Variants in TANGO6 observed in about 807,000 individuals in gnomAD.
The protein encoded by TANGO6 is transport and Golgi organization protein 6 homolog.
TANGO6 carries 90 observed loss-of-function variants against 114.2 expected under a neutral mutation model. The ratio of observed to expected loss-of-function variants is 0.79; its 90% confidence interval spans 0.66 to 0.94. The LOEUF is 0.94. TANGO6 is among the 40% of genes least tolerant of loss of function. TANGO6 has a pLI of 0.00. For synonymous variants in TANGO6, 477 were observed against 509.8 expected, an observed-to-expected ratio of 0.94 and a Z score of 0.87; for missense variants, 1,274 against 1,315.3, an observed-to-expected ratio of 0.97 and a Z score of 0.49.
chr16:69,077,449 T>G (rs1359801794), intron 17 of TANGO6, among the ~76,000 whole-genome samples: 3 of 152,146 alleles, frequency 2.0e-5, no homozygotes, highest in African/African-American at 7.2e-5. Context: ...CACGCATGAA[T>G]GCCTTTATTC....
At chr16:69,035,142 T>C (rs952229094) in intron 16 of TANGO6, 1 of 152,190 alleles carries the variant, frequency 6.6e-6, no homozygotes, top group Non-Finnish European at 1.5e-5. Flanking sequence ...GACCTGAATT[T>C]ACTATCAGTT....
intron 17 of TANGO6, among the ~76,000 whole-genome samples, 180 bp from the exon 18 acceptor site, chr16:69,083,305 C>T (rs898746129): frequency 2.6e-5 from 4 of 152,030 alleles, no homozygotes; most frequent in African/African-American, 2.4e-5. Flanking sequence ...AAGTGATTTG[C>T]CTGCCTTGGC....
intron 7 of TANGO6, among the ~76,000 whole-genome samples, chr16:68,898,540 A>G (rs1029755965): frequency 6.6e-6 from 1 of 151,894 alleles, no homozygotes; most frequent in African/African-American, 2.4e-5. Flanking sequence ...GGGTCTCACC[A>G]TGTTGCCAAG....
intron 7 of TANGO6, among the ~76,000 whole-genome samples, chr16:68,888,206 C>T (rs967516649): frequency 1.3e-5 from 2 of 152,198 alleles, no homozygotes; most frequent in Admixed American, 1.3e-4. Context: ...CGGCTCAAAA[C>T]ACTTTTAGTC....
chr16:68,954,515 G>GA (rs139886333), intron 14 of TANGO6, among the ~76,000 whole-genome samples: 3 of 151,220 alleles, frequency 2.0e-5, no homozygotes, highest in Middle Eastern at 3.2e-3. Flanking sequence ...CTGCTCAAAA[G>GA]AAAAAAAAAG....
intron 17 of TANGO6, among the ~76,000 whole-genome samples, chr16:69,057,106 C>T (rs959300958): frequency 4.0e-5 from 6 of 149,278 alleles, no homozygotes; most frequent in Non-Finnish European, 8.9e-5. Context: ...GGTTCACGTC[C>T]CAGGTTCACG....
chr16:68,865,059 C>T (rs867839656), intron 3 of TANGO6, among the ~76,000 whole-genome samples: 55 of 151,060 alleles, frequency 3.6e-4, no homozygotes, highest in African/African-American at 8.0e-4. Flanking sequence ...GGGTGGATCA[C>T]GAGGTCAGGA....
At chr16:68,950,632 G>A (rs935269582) in intron 14 of TANGO6, among the ~76,000 whole-genome samples, 1 of 151,602 alleles carries the variant, frequency 6.6e-6, no homozygotes, top group Non-Finnish European at 1.5e-5. Flanking sequence ...AGGCTGAGGT[G>A]GGTCGATCAC....
In TANGO6 at chr16:68,927,693, T is replaced by C. The variant is rs1055956045; in HGVS notation, c.2253T>C (p.His751=). The change falls in exon 13 of 18, where the codon CAT becomes CAC. Residue 751 remains histidine, a synonymous_variant. Coordinates refer to ENST00000261778, the MANE Select transcript of TANGO6 (RefSeq NM_024562.2). ...ATCTCCGCATCACCATCTCTACCCA[T>C]GGAGCCTTTGCCACTGAGGCCGTCA... is the stretch of plus-strand genomic sequence containing the variant. ...AVDLRITIST[H]GAFATEAVSM... The C allele has an allele frequency of 5.0e-6, 8 of 1,613,970 alleles. No individual in the cohort carries two copies. The highest frequency in any genetic ancestry group is 5.9e-6 in the Non-Finnish European group (7 of 1,179,874).
chr16:69,063,563 G>T (rs1960160930), intron 17 of TANGO6, among the ~76,000 whole-genome samples: 1 of 132,546 alleles, frequency 7.5e-6, no homozygotes, highest in South Asian at 2.6e-4. Flanking sequence ...GGGGGCACCT[G>T]TAATCCCAGC....
chr16:69,012,582 A>AAAAAAAAAGG (rs1964153758), intron 15 of TANGO6, among the ~76,000 whole-genome samples: 3 of 120,156 alleles, frequency 2.5e-5, no homozygotes, highest in African/African-American at 7.2e-5. Context: ...AAAAAAAGGA[A>AAAAAAAAAGG]AAAAAAAAAA....
At chr16:68,939,001 G>A (rs1963324221) in intron 14 of TANGO6, among the ~76,000 whole-genome samples, 1 of 149,492 alleles carries the variant, frequency 6.7e-6, no homozygotes, top group Admixed American at 6.7e-5. Context: ...GAGCCCAGGA[G>A]GTCAAGGCTG....
intron 5 of TANGO6, among the ~76,000 whole-genome samples, chr16:68,875,569 TTAG>T (rs1567529455): frequency 6.6e-6 from 1 of 151,928 alleles, no homozygotes; most frequent in Non-Finnish European, 1.5e-5. Flanking sequence ...GAGTTCGAGA[TTAG>T]CCTGACCAAC....
intron 1 of TANGO6, chr16:68,846,462 CT>C: frequency 1.3e-5 from 4 of 302,602 alleles, no homozygotes; most frequent in Admixed American, 4.8e-5. Context: ...GTTCAATCAC[CT>C]TTTCAAATAA....
At chr16:68,955,260 G>A (rs188101934) in intron 14 of TANGO6, among the ~76,000 whole-genome samples, 1 of 152,294 alleles carries the variant, frequency 6.6e-6, no homozygotes, top group African/African-American at 2.4e-5. Context: ...AGTTTGTAAA[G>A]TGATTCAGTT....
Position 68,859,993 on chromosome 16 carries a change from G to T in TANGO6, c.204G>T (p.Lys68Asn), listed in dbSNP as rs1390223750. The change falls in exon 2 of 18, where the codon AAG (lysine) becomes AAT (asparagine). Residue 68 changes from lysine (K) to asparagine (N), a missense_variant. By Grantham distance (94) the Lys-to-Asn change is moderately conservative. This residue lies in a region of TANGO6 where 114 missense variants were observed against 104.6 expected (regional missense o/e 1.09). Coordinates refer to ENST00000261778, the MANE Select transcript of TANGO6 (RefSeq NM_024562.2). ...AGTTTCTGAAGGATCCTCAGTGGAA[G>T]AATCTGAAACTCCTAAGAGATGAAA... The part of the protein sequence containing the change: ...EDKFLKDPQW[K>N]NLKLLRDEIA... The T allele has an allele frequency of 1.2e-6, 2 of 1,613,804 alleles. No individual in the cohort carries two copies. The highest frequency in any genetic ancestry group is 1.7e-6 in the Non-Finnish European group (2 of 1,179,850).
intron 14 of TANGO6, among the ~76,000 whole-genome samples, chr16:68,950,913 A>G (rs891540253): frequency 7.9e-5 from 12 of 152,090 alleles, no homozygotes; most frequent in African/African-American, 2.9e-4. Context: ...TCAGAACAGT[A>G]CTGTTGTTTT....
chr16:69,059,316 C>A (rs1180527608), intron 17 of TANGO6, among the ~76,000 whole-genome samples: 1 of 152,068 alleles, frequency 6.6e-6, no homozygotes, highest in African/African-American at 2.4e-5. Flanking sequence ...AAGTGATCCA[C>A]CTGCCTTGGC....
At chr16:68,914,603 A>G (rs1962973141) in intron 11 of TANGO6, among the ~76,000 whole-genome samples, 1 of 152,226 alleles carries the variant, frequency 6.6e-6, no homozygotes, top group Non-Finnish European at 1.5e-5. Flanking sequence ...TTTGGCTTTT[A>G]AAATTATGTA....
Sources: gnomAD v4.1 joint callset for allele counts (sites outside exome capture counted in the v4.1 genomes callset) on GRCh38, gnomAD v4.1.1 for gene constraint, gnomAD v4.1.1 regional missense constraint, MANE v1.5 for transcripts, NCBI Gene and HGNC (gene_info 2026-07-23, HGNC 2026-07-21) for gene names.